Variants in F11 observed in about 807,000 individuals in gnomAD.
F11 encodes the protein coagulation factor XI, also known as coagualtion factor XI.
Under a neutral mutation model 76.5 loss-of-function variants are expected in F11, and 78 were observed. The ratio of observed to expected loss-of-function variants is 1.02; its 90% CI spans 0.85 to 1.23. The LOEUF is 1.23. Among genes scored for constraint, F11 ranks in the 50% most tolerant of loss-of-function variants. The pLI is 0.00. For synonymous variants in F11, 278 were observed against 276.3 expected (o/e 1.01, Z -0.06); for missense variants, 742 against 771.4 (o/e 0.96, Z 0.45).
Position 186,275,867 on chromosome 4 carries a change from C to T in F11, c.566C>T (p.Ser189Leu). The T allele has an allele frequency of 6.2e-7, 1 of 1,612,718 alleles. No individual in the cohort carries two copies. The highest frequency in any genetic ancestry group is 1.3e-5 in the African/African-American group (1 of 75,018). ...TKLDKVVSGF[S>L]LKSCALSNLA... ...CTCGATAAAGTGGTGTCTGGATTTT[C>T]ACTGAAATCCTGTGCACTTTCTAAT... Residue 189 changes from serine (S) to leucine (L), a missense_variant, in exon 6 of 15, where the codon TCA becomes TTA. Transcript: ENST00000403665.
At chr4:186,282,026 C>G in intron 10 of F11, 1 of 1,246,524 alleles carries the variant, frequency 8.0e-7, no homozygotes, top group Non-Finnish European at 1.1e-6. Flanking sequence ...TTCTGTTTTC[C>G]TCACAATAAA....
chr4:186,282,122 T>C, intron 10 of F11: 2 of 1,157,360 alleles, frequency 1.7e-6, no homozygotes, highest in Non-Finnish European at 2.2e-6. Context: ...TTAGCAAATG[T>C]TGCTGTTAAG....
chr4:186,284,084 TGTTG>T lies in F11; in HGVS notation c.1136-7_1136-4del, dbSNP rs1439195599. ...AGGAAGCTGCTCATCACAATGCTTC[TGTTG>T]CAGAGTGTACCACCAAAATCAAGCC... On this transcript the variant is annotated splice_region_variant and splice_polypyrimidine_tract_variant and intron_variant, in intron 10 of 14. Transcript: ENST00000403665. The T allele has an allele frequency of 3.1e-6, 5 of 1,614,120 alleles. No homozygotes were observed. In the East Asian group the frequency reaches 1.1e-4, roughly 36 times the overall value.
Position 186,274,117 on chromosome 4 carries a change from T to C in F11, c.327T>C (p.Ala109=). 1 of 1,614,176 alleles carries C rather than the reference T, an allele frequency of 6.2e-7. No homozygotes were observed. The highest frequency in any genetic ancestry group is 8.5e-7 in the Non-Finnish European group (1 of 1,180,016). The change falls in exon 5 of 15, where the codon GCT becomes GCC. Residue 109 remains alanine, a splice_region_variant and synonymous_variant. Coordinates refer to ENST00000403665, the MANE Select transcript of F11 (RefSeq NM_000128.4). ...SFKQCSHQIS[A]CNKDIYVDLD... ...CATGTCTTCTGCTTTTATTTCCAGC[T>C]TGCAACAAAGACATTTATGTGGACC...
Position 186,276,398 on chromosome 4 carries a change from G to T in F11, c.755+8G>T, listed in dbSNP as rs2126740783. The T allele has an allele frequency of 6.2e-7, 1 of 1,613,812 alleles. No homozygotes were observed. Among genetic ancestry groups the T allele is most frequent in the Admixed American group, 1.7e-5 (1 of 59,996 alleles). ...GCCCAAAGAATCTCAAAGGTAAGGA[G>T]TTAACAAGTAAGGATAATTTGTTAT... On this transcript the variant is annotated splice_region_variant and intron_variant, in intron 7 of 14. Transcript: ENST00000403665.
At chr4:186,285,945 T>G (rs1741182252) in intron 12 of F11, 132 bp downstream of exon 12, 2 of 1,004,462 alleles carry the variant, frequency 2.0e-6, no homozygotes, top group African/African-American at 1.6e-5. Context: ...GGGCCTGGAA[T>G]GCTAGTCATT....
At chr4:186,280,156 A>C (rs1256765535) in intron 8 of F11, 35 bp downstream of exon 8, 2 of 1,613,394 alleles carry the variant, frequency 1.2e-6, no homozygotes, top group Non-Finnish European at 1.7e-6. Flanking sequence ...GCTGAGAGTG[A>C]CCAGCCCCGA....
In F11 at chr4:186,286,647, AGGC is replaced by A; in HGVS notation, c.1576+138_1576+140del. The A allele has an allele frequency of 2.7e-6, 4 of 1,496,624 alleles. No individual in the cohort carries two copies. In the Admixed American group the frequency reaches 6.6e-5, roughly 25 times the overall value. 92.7% of individuals were successfully genotyped at this position (1,496,624 alleles called of 1,614,324 possible). On this transcript the variant is annotated intron_variant, in intron 13 of 14. Coordinates refer to ENST00000403665, the MANE Select transcript of F11 (RefSeq NM_000128.4). ...AGGAAGCGGATTAATAAAGATGGAG[AGGC>A]AAAAATCACCCAAGTGAGGCTGGTG...
At chr4:186,283,474 A>G (rs1449864937) in intron 10 of F11, among the ~76,000 whole-genome samples, 2 of 152,282 alleles carry the variant, frequency 1.3e-5, no homozygotes, top group Admixed American at 1.3e-4. Context: ...AGAATCCCAA[A>G]CTGTCAACAA....
chr4:186,268,160 C>A (rs995015374), intron 2 of F11, among the ~76,000 whole-genome samples: 1 of 152,168 alleles, frequency 6.6e-6, no homozygotes, highest in Non-Finnish European at 1.5e-5. Context: ...TATATCTGCA[C>A]TCAACATGTG....
intron 10 of F11, chr4:186,282,250 G>T: frequency 3.0e-6 from 3 of 985,244 alleles, no homozygotes; most frequent in Non-Finnish European, 3.6e-6. Context: ...ATAGACTCTG[G>T]CCTGTAGAAG....
In F11 at chr4:186,273,134, G is replaced by A. The variant is rs1313615649; in HGVS notation, c.282G>A (p.Ala94=). 5.6e-6 allele frequency: 9 copies of A among 1,613,904 alleles called. No individual in the cohort carries two copies. The highest frequency in any genetic ancestry group is 2.2e-5 in the East Asian group (1 of 44,874). ...TGCCAAGAGTGAATAGGACAGCAGCGATTTCTGGGTATTCTTTCAAGCAAT... is the reference window on the plus strand; with the variant it reads ...TGCCAAGAGTGAATAGGACAGCAGCAATTTCTGGGTATTCTTTCAAGCAAT... ...ETLPRVNRTA[A]ISGYSFKQCS... is the part of the protein sequence containing the mutation. The change falls in exon 4 of 15, where the codon GCG becomes GCA. Residue 94 remains alanine, a synonymous_variant. Transcript: ENST00000403665.
At chr4:186,282,561 A>C in intron 10 of F11, 1 of 985,430 alleles carries the variant, frequency 1.0e-6, no homozygotes, top group Non-Finnish European at 1.2e-6. Flanking sequence ...TATTTTCAGC[A>C]TTTCGTTTAA....
At chr4:186,286,873 G>A (rs899729420) in intron 13 of F11, among the ~76,000 whole-genome samples, 11 of 152,168 alleles carry the variant, frequency 7.2e-5, no homozygotes, top group Admixed American at 3.3e-4. Context: ...AATGGTACAC[G>A]CAATAGTGGG....
Position 186,270,130 on chromosome 4 carries a change from T to C in F11, c.56-1479T>C, listed in dbSNP as rs4253829. Among the ~76,000 whole-genome samples, 555 of 152,326 alleles carry C rather than the reference T, an allele frequency of 3.6e-3. 5 individuals carry two copies. Among genetic ancestry groups the C allele is most frequent in the African/African-American group, 0.013 (543 of 41,574 alleles). On this transcript the variant is annotated intron_variant, in intron 2 of 14. Coordinates refer to ENST00000403665, the MANE Select transcript of F11 (RefSeq NM_000128.4). The stretch of plus-strand genomic sequence containing the variant: ...TTCACAGATGATGTGATTGAGTACC[T>C]AGAAAAATCCAAAATTAACCATCAC...
In F11 at chr4:186,273,122, T is replaced by A. The variant is rs374703864; in HGVS notation, c.270T>A (p.Asn90Lys). 6.2e-7 allele frequency: 1 copy of A among 1,614,082 alleles called. No homozygotes were observed. Among genetic ancestry groups the A allele is most frequent in the South Asian group, 1.1e-5 (1 of 91,076 alleles). The change falls in exon 4 of 15, where the codon AAT becomes AAA. Residue 90 changes from asparagine to lysine, a missense_variant. Asn to Lys is a moderately conservative substitution (Grantham distance 94, BLOSUM62 0). Transcript: ENST00000403665. ...DSVTETLPRV[N>K]RTAAISGYSF... is the part of the protein sequence containing the mutation. ...TTACAGAAACACTGCCAAGAGTGAA[T>A]AGGACAGCAGCGATTTCTGGGTATT...
chr4:186,267,109 A>C, intron 1 of F11, 27 bp from the exon 2 acceptor site: 1 of 1,467,078 alleles, frequency 6.8e-7, no homozygotes, highest in Non-Finnish European at 9.6e-7. Context: ...TTATGTTCTA[A>C]AAGCATGCAC....
intron 11 of F11, 111 bp downstream of exon 11, chr4:186,284,371 AAATT>A (rs1362886654): frequency 8.8e-7 from 1 of 1,130,596 alleles, no homozygotes; most frequent in Non-Finnish European, 1.3e-6. Flanking sequence ...CTTATTTGCA[AAATT>A]AATTAATTGC....
intron 2 of F11, among the ~76,000 whole-genome samples, chr4:186,270,862 A>ATTT (rs34930947): frequency 0.21 from 29,588 of 138,022 alleles, 3,472 homozygotes; most frequent in Admixed American, 0.26. Context: ...CCCAGCTAGT[A>ATTT]TTTTTTTTTT....
Sources: allele counts gnomAD v4.1 joint callset (sites outside exome capture counted in the v4.1 genomes callset), GRCh38; gene constraint gnomAD v4.1.1; transcripts MANE v1.5; gene names NCBI Gene and HGNC (gene_info 2026-07-23, HGNC 2026-07-21).